PDZRN3: variants seen among roughly 807,000 people sequenced by gnomAD.
PDZRN3 encodes the protein PDZ domain containing ring finger 3.
A neutral mutation model predicts 85.7 loss-of-function variants in PDZRN3; 38 were observed. That is an observed-to-expected ratio of 0.44 (90% CI 0.34 to 0.58). The LOEUF (loss-of-function observed/expected upper bound fraction) is 0.58. Among genes scored for constraint, PDZRN3 ranks in the 20% least tolerant of loss-of-function variants. The pLI is 0.01. For missense variants in PDZRN3, 1,629 were observed against 1,506.4 expected, an observed-to-expected ratio of 1.08 and a Z score of -1.35; for synonymous variants, 759 against 638.0, an observed-to-expected ratio of 1.19 and a Z score of -2.86.
chr3:73,432,785 T>C (rs556821231), intron 3 of PDZRN3, among the ~76,000 whole-genome samples: 79 of 152,334 alleles, frequency 5.2e-4, no homozygotes, highest in African/African-American at 1.8e-3. Flanking sequence ...TTAAAGTGCT[T>C]ATCTAAAAAG....
Position 73,383,414 on chromosome 3 carries a change from G to C in PDZRN3, c.3152C>G (p.Pro1051Arg). ...QELLTHGTKSPDGTRVYNSFL... is the reference protein window; with the variant it reads ...QELLTHGTKSRDGTRVYNSFL... ...GGAATTGTATACTCTAGTGCCGTCC[G>C]GGGATTTTGTGCCGTGGGTTAAGAG... The change falls in exon 10 of 10, where the codon CCG becomes CGG. Residue 1051 changes from proline to arginine, a missense_variant. Coordinates refer to ENST00000263666, the MANE Select transcript of PDZRN3 (RefSeq NM_015009.3). 1 of 1,613,856 alleles carries C rather than the reference G, an allele frequency of 6.2e-7. No individual in the cohort carries two copies. The highest frequency in any genetic ancestry group is 1.1e-5 in the South Asian group (1 of 91,070).
intron 3 of PDZRN3, among the ~76,000 whole-genome samples, chr3:73,574,162 G>C (rs912986819): frequency 4.6e-5 from 7 of 152,204 alleles, no homozygotes; most frequent in Non-Finnish European, 8.8e-5. Context: ...TCCGATATTT[G>C]ACACTCAGCC....
At chr3:73,525,138 T>A (rs1461692415) in intron 3 of PDZRN3, among the ~76,000 whole-genome samples, 3 of 151,952 alleles carry the variant, frequency 2.0e-5, no homozygotes, top group Non-Finnish European at 2.9e-5. Context: ...TGAAATCTTT[T>A]CTGGTGGTTT....
chr3:73,454,188 A>G (rs893799359), intron 3 of PDZRN3, among the ~76,000 whole-genome samples: 2 of 152,180 alleles, frequency 1.3e-5, no homozygotes, highest in Admixed American at 6.5e-5. Context: ...CCCCTGGCAC[A>G]TATGTTTCAC....
At chr3:73,466,727 A>G (rs902119045) in intron 3 of PDZRN3, among the ~76,000 whole-genome samples, 6 of 152,256 alleles carry the variant, frequency 3.9e-5, no homozygotes, top group Non-Finnish European at 8.8e-5. Context: ...GGATCCAAAA[A>G]GGGCTTCTTT....
intron 3 of PDZRN3, among the ~76,000 whole-genome samples, chr3:73,581,520 A>G (rs1485388139): frequency 6.6e-6 from 1 of 152,218 alleles, no homozygotes; most frequent in Non-Finnish European, 1.5e-5. Flanking sequence ...TATGTTATAC[A>G]TTCAACTTCT....
intron 3 of PDZRN3, among the ~76,000 whole-genome samples, chr3:73,543,141 G>T (rs1701326018): frequency 6.6e-6 from 1 of 152,230 alleles, no homozygotes; most frequent in African/African-American, 2.4e-5. Flanking sequence ...ATTTCCAAGT[G>T]TTATTAGGAG....
At chr3:73,410,661 T>C (rs913844741) in intron 3 of PDZRN3, among the ~76,000 whole-genome samples, 2 of 152,244 alleles carry the variant, frequency 1.3e-5, no homozygotes, top group Non-Finnish European at 2.9e-5. Context: ...TTTACTGTTT[T>C]CCTAAATGTA....
intron 3 of PDZRN3, among the ~76,000 whole-genome samples, chr3:73,441,411 C>CAAAAAAA (rs10656791): frequency 1.0e-4 from 7 of 68,186 alleles, no homozygotes; most frequent in South Asian, 6.8e-4. Context: ...GACTCTGTCC[C>CAAAAAAA]AAAAAAAAAA....
chr3:73,563,735 G>A (rs907489383), intron 3 of PDZRN3, among the ~76,000 whole-genome samples: 1 of 152,106 alleles, frequency 6.6e-6, no homozygotes, highest in Admixed American at 6.5e-5. Flanking sequence ...TAATAGAAAA[G>A]GTTTCTGACT....
chr3:73,474,381 T>G (rs924938620), intron 3 of PDZRN3: 21 of 819,078 alleles, frequency 2.6e-5, no homozygotes, highest in Non-Finnish European at 3.6e-5. Context: ...CTATCGGTGG[T>G]GTATAATGAG....
chr3:73,512,593 C>T (rs1464783272), intron 3 of PDZRN3, among the ~76,000 whole-genome samples: 1 of 151,756 alleles, frequency 6.6e-6, no homozygotes, highest in African/African-American at 2.4e-5. Context: ...CCAAATTGCA[C>T]TTGTTGTCTA....
At chr3:73,501,699 A>G (rs1046798311) in intron 3 of PDZRN3, among the ~76,000 whole-genome samples, 1 of 152,212 alleles carries the variant, frequency 6.6e-6, no homozygotes, top group African/African-American at 2.4e-5. Context: ...GGTGGGTGAC[A>G]TTGACATCCA....
chr3:73,604,310 C>T (rs1199639212), intron 2 of PDZRN3, among the ~76,000 whole-genome samples: 1 of 152,154 alleles, frequency 6.6e-6, no homozygotes, highest in Non-Finnish European at 1.5e-5. Flanking sequence ...AAACTAGGTA[C>T]CAGGTACATA....
chr3:73,406,559 C>T (rs1263484774), intron 3 of PDZRN3, among the ~76,000 whole-genome samples: 1 of 152,154 alleles, frequency 6.6e-6, no homozygotes, highest in Non-Finnish European at 1.5e-5. Flanking sequence ...GTCAATACCA[C>T]CCAGTCACGC....
intron 3 of PDZRN3, among the ~76,000 whole-genome samples, chr3:73,420,181 G>A (rs1702171267): frequency 6.6e-6 from 1 of 152,204 alleles, no homozygotes; most frequent in South Asian, 2.1e-4. Context: ...GACTATGCCT[G>A]GCTGACACTG....
chr3:73,416,875 GGTTTTTTTTTTTTTTT>G (rs1702094984), intron 3 of PDZRN3, among the ~76,000 whole-genome samples: 2 of 40,750 alleles, frequency 4.9e-5, no homozygotes, highest in African/African-American at 1.5e-4. Context: ...GTTTTTTTTT[GGTTTTTTTTTTTTTTT>G]TTTTTTTTTT....
intron 3 of PDZRN3, among the ~76,000 whole-genome samples, chr3:73,528,687 A>T (rs1704580694): frequency 6.6e-6 from 1 of 152,184 alleles, no homozygotes; most frequent in Non-Finnish European, 1.5e-5. Context: ...TGAAGATCAA[A>T]AAAAGTAACA....
At chr3:73,442,697 A>AT (rs56095919) in intron 3 of PDZRN3, among the ~76,000 whole-genome samples, 129,367 of 146,704 alleles carry the variant, frequency 0.88, 57,171 homozygotes, top group Non-Finnish European at 0.93. Flanking sequence ...AAATGTGTGG[A>AT]TTTTTTTTTT....
Sources: gnomAD v4.1 joint callset for allele counts (sites outside exome capture counted in the v4.1 genomes callset) on GRCh38, gnomAD v4.1.1 for gene constraint, MANE v1.5 for transcripts, NCBI Gene and HGNC (gene_info 2026-07-23, HGNC 2026-07-21) for gene names.